Variants in SP140 observed in about 807,000 individuals in gnomAD.
SP140 encodes the protein SP140 nuclear body protein, also known as nuclear body protein SP140.
SP140 carries 81 observed loss-of-function variants against 125.0 expected under a neutral mutation model. That is an observed-to-expected ratio of 0.65 (90% CI 0.54 to 0.78). The LOEUF is 0.78. SP140 is among the 30% of genes least tolerant of loss of function. SP140 has a pLI of 0.00. For missense variants in SP140, 858 were observed against 1,037.0 expected, an observed-to-expected ratio of 0.83 and a Z score of 2.37; for synonymous variants, 312 against 354.0, an observed-to-expected ratio of 0.88 and a Z score of 1.33.
chr2:230,307,992 C>CATACAT (rs33922249), intron 22 of SP140, among the ~76,000 whole-genome samples: 5 of 49,078 alleles, frequency 1.0e-4, no homozygotes, highest in Middle Eastern at 0.017. Flanking sequence ...TATATATATA[C>CATACAT]ACACACACAC....
Position 230,248,002 on chromosome 2 carries a change from A to G in SP140, c.829A>G (p.Ser277Gly), listed in dbSNP as rs781288722. Residue 277 changes from serine to glycine, a missense_variant, in exon 8 of 27, where the codon AGT becomes GGT. This residue lies in a region of SP140 where 791 missense variants were observed against 869.5 expected (regional missense o/e 0.91). Transcript: ENST00000392045. ...EKQGEEEGRN[S>G]PRKRNQDKEK... ...ACAGGGAGAGGAGGAAGGCAGGAAC[A>G]GTCCCAGAAAAAGAAACCAAGACAA... 3 of 1,613,778 alleles carry G rather than the reference A, an allele frequency of 1.9e-6. No individual in the cohort carries two copies. In the African/African-American group the frequency reaches 4.0e-5, roughly 22 times the overall value.
At chr2:230,270,719 A>T in intron 15 of SP140, 80 bp downstream of exon 15, 2 of 1,311,334 alleles carry the variant, frequency 1.5e-6, no homozygotes, top group Non-Finnish European at 2.2e-6. Context: ...TGTCATTGTT[A>T]CTATTTCTGT....
rs182015669 is a variant in SP140, at chr2:230,312,531, T to A, written c.2506-55T>A. On this transcript the variant is annotated intron_variant, in intron 26 of 26. Transcript: ENST00000392045. The stretch of plus-strand genomic sequence containing the variant: ...GTCCTGATCATTCTCAGTTGAAAGG[T>A]GTCTCATGACGCTAATGATGAGGAG... The A allele has an allele frequency of 1.3e-3, 1,434 of 1,145,696 alleles. 4 individuals carry two copies. The highest frequency in any genetic ancestry group is 1.5e-3 in the Non-Finnish European group (1,142 of 772,402). The allele number at this position is 1,145,696 out of a possible 1,614,324, so 71.0% of individuals were successfully genotyped here. A position where few individuals can be genotyped will look rare whatever the true frequency, so the allele number is the denominator to read the frequency against.
At chr2:230,308,016 CAG>C (rs1197483963) in intron 22 of SP140, among the ~76,000 whole-genome samples, 9 of 127,414 alleles carry the variant, frequency 7.1e-5, no homozygotes, top group South Asian at 2.6e-4. Flanking sequence ...CACACACACA[CAG>C]AGACACACAC....
Position 230,308,565 on chromosome 2 carries a change from C to T in SP140, c.2059-1359C>T, listed in dbSNP as rs746738277. ...CCGGTGGGGGTGGGCAGGCATCCCA[C>T]GCCACGCAGGGCCACATGGGGGCTG... On this transcript the variant is annotated intron_variant, in intron 22 of 26. Coordinates refer to ENST00000392045, the MANE Select transcript of SP140 (RefSeq NM_007237.5). Among the ~76,000 whole-genome samples the T allele has an allele frequency of 6.7e-4, 102 of 152,186 alleles. 1 individual carries two copies. The highest frequency in any genetic ancestry group is 2.8e-4 in the Non-Finnish European group (19 of 68,026).
At chr2:230,220,078 G>A (rs1055752958) in intron 3 of SP140, 14 of 985,566 alleles carry the variant, frequency 1.4e-5, no homozygotes, top group Non-Finnish European at 1.7e-5. Flanking sequence ...GCAGGTCGGT[G>A]CCTGCAGCCT....
At chr2:230,208,560 C>T (rs1167404681) in intron 1 of SP140, among the ~76,000 whole-genome samples, 1 of 152,158 alleles carries the variant, frequency 6.6e-6, no homozygotes, top group East Asian at 1.9e-4. Flanking sequence ...AGGGGATTCT[C>T]ATCTGATATC....
intron 1 of SP140, chr2:230,213,641 T>C (rs2148931199): frequency 6.5e-6 from 1 of 152,708 alleles, no homozygotes; most frequent in East Asian, 1.9e-4. Context: ...TTCTTCTCCA[T>C]CATTTATTTC....
At chr2:230,221,610 G>A, upstream of SP140, 1 of 1,192,010 alleles carries the variant, frequency 8.4e-7, no homozygotes, top group Non-Finnish European at 1.2e-6. Flanking sequence ...GTGCATTGAT[G>A]CCTCAGCATG....
chr2:230,249,109 G>A (rs2049959624), intron 9 of SP140, 141 bp downstream of exon 9: 2 of 648,082 alleles, frequency 3.1e-6, no homozygotes, highest in Admixed American at 2.9e-5. Flanking sequence ...TCAATTTTCT[G>A]TTGTGCCTTT....
chr2:230,302,773 C>T (rs975721675), intron 22 of SP140, among the ~76,000 whole-genome samples: 9 of 151,864 alleles, frequency 5.9e-5, no homozygotes, highest in South Asian at 2.1e-4. Context: ...AAACCAGGCA[C>T]GTACATGGAA....
chr2:230,314,946 C>G (rs114417125), downstream of SP140, among the ~76,000 whole-genome samples: 1,834 of 152,354 alleles, frequency 0.012, 39 homozygotes, highest in African/African-American at 0.041. Flanking sequence ...CAGCATTTAA[C>G]TGTGAGGGCA....
chr2:230,269,947 A>T lies in SP140; in HGVS notation c.1438A>T (p.Thr480Ser), dbSNP rs548097476. The change falls in exon 14 of 27, where the codon ACA (threonine) becomes TCA (serine). Residue 480 changes from threonine (T) to serine (S), a missense_variant. By Grantham distance (58) the Thr-to-Ser change is moderately conservative. This residue lies in a region of SP140 where 791 missense variants were observed against 869.5 expected (regional missense o/e 0.91). Coordinates refer to ENST00000392045, the MANE Select transcript of SP140 (RefSeq NM_007237.5). ...GACGGAAAGTGATCAAGCGTGTGGCACAATGGGTAAGGCTGTCTGAGGGCC... is the reference window on the plus strand; with the variant it reads ...GACGGAAAGTGATCAAGCGTGTGGCTCAATGGGTAAGGCTGTCTGAGGGCC... ...ARTESDQACG[T>S]MDTVDIANNS... 2.2e-5 allele frequency: 35 copies of T among 1,611,732 alleles called. No homozygotes were observed. In the East Asian group the frequency reaches 7.6e-4, roughly 35 times the overall value.
intron 12 of SP140, among the ~76,000 whole-genome samples, chr2:230,256,644 A>C (rs1221036484): frequency 2.6e-5 from 4 of 152,342 alleles, no homozygotes; most frequent in African/African-American, 9.6e-5. Context: ...CACGTTGTGC[A>C]CATGTACCCT....
chr2:230,288,054 C>T (rs1314939805), intron 18 of SP140, 88 bp downstream of exon 18: 2 of 1,138,122 alleles, frequency 1.8e-6, no homozygotes, highest in South Asian at 1.6e-5. Flanking sequence ...AAACCCATTT[C>T]CTTAATTGTT....
chr2:230,204,885 T>C (rs937806181), intron 1 of SP140, among the ~76,000 whole-genome samples: 1 of 152,054 alleles, frequency 6.6e-6, no homozygotes, highest in African/African-American at 2.4e-5. Context: ...CCAAAGAGAA[T>C]AGCACATGCC....
chr2:230,225,646 C>G, upstream of SP140: 1 of 642,796 alleles, frequency 1.6e-6, no homozygotes, highest in Non-Finnish European at 2.8e-6. Flanking sequence ...TGCTCCTCCT[C>G]CCTTGACTGA....
intron 3 of SP140, among the ~76,000 whole-genome samples, chr2:230,214,400 G>C (rs1163129043): frequency 2.0e-5 from 3 of 152,124 alleles, no homozygotes; most frequent in Non-Finnish European, 2.9e-5. Flanking sequence ...GACCCAAGTA[G>C]GACTCTTGCT....
chr2:230,216,024 T>G (rs1264692258), intron 3 of SP140, among the ~76,000 whole-genome samples: 1 of 152,154 alleles, frequency 6.6e-6, no homozygotes, highest in African/African-American at 2.4e-5. Context: ...AGGGCTCAAT[T>G]AATGCTTTTA....
Sources: allele counts gnomAD v4.1 joint callset (sites outside exome capture counted in the v4.1 genomes callset), GRCh38; gene constraint gnomAD v4.1.1; regional missense constraint gnomAD v4.1.1; transcripts MANE v1.5; gene names NCBI Gene and HGNC (gene_info 2026-07-23, HGNC 2026-07-21).